The following HECW2 variants were observed in gnomAD, a reference collection of about 807,000 sequenced individuals.
The protein encoded by HECW2 is E3 ubiquitin-protein ligase HECW2.
In HECW2, 61 loss-of-function variants were observed where a neutral mutation model predicts 175.2. The observed-to-expected ratio is 0.35, with a 90% confidence interval of 0.28 to 0.43. The LOEUF is 0.43. Ranked by LOEUF, HECW2 falls within the 20% of genes least tolerant of loss-of-function variation. The pLI is 1.00. For synonymous variants in HECW2, 671 were observed against 731.0 expected (o/e 0.92, Z 1.32); for missense variants, 1,524 against 2,000.5 (o/e 0.76, Z 4.54).
intron 2 of HECW2, among the ~76,000 whole-genome samples, chr2:196,413,941 C>T (rs1383739521): frequency 6.6e-6 from 1 of 152,144 alleles, no homozygotes; most frequent in Non-Finnish European, 1.5e-5. Context: ...TCCATCACCC[C>T]GTGCTTCAAG....
chr2:196,245,925 A>G (rs1688626957), intron 19 of HECW2, among the ~76,000 whole-genome samples: 1 of 152,220 alleles, frequency 6.6e-6, no homozygotes, highest in African/African-American at 2.4e-5. Flanking sequence ...TTACAACAAA[A>G]TGTGTAAAGA....
chr2:196,310,293 T>C (rs7608318), intron 10 of HECW2, among the ~76,000 whole-genome samples: 8,919 of 152,272 alleles, frequency 0.059, 460 homozygotes, highest in African/African-American at 0.13. Flanking sequence ...AAATTATCCC[T>C]ATCAAATACT....
At chr2:196,521,304 A>AAAAAAAAAAAAAAAAAAAAC (rs1553531650) in intron 1 of HECW2, among the ~76,000 whole-genome samples, 1 of 148,172 alleles carries the variant, frequency 6.7e-6, no homozygotes, top group Non-Finnish European at 1.5e-5. Flanking sequence ...AAAAAAAAAA[A>AAAAAAAAAAAAAAAAAAAAC]AAAGAAAGAA....
At position 196,368,779 on chromosome 2, in the gene HECW2, T is replaced by C. The variant is rs57126685; in HGVS notation, c.293-25015A>G. ...AGAGTCTCCGAGGCATTCTTCAATATGTCAGTTGCATTTCCAACTCCAGAG... is the reference window on the plus strand; with the variant it reads ...AGAGTCTCCGAGGCATTCTTCAATACGTCAGTTGCATTTCCAACTCCAGAG... On this transcript the variant is annotated intron_variant, in intron 2 of 28. Coordinates refer to ENST00000644978, the MANE Select transcript of HECW2 (RefSeq NM_001348768.2). Among the ~76,000 whole-genome samples, 585 of 152,286 alleles carry C rather than the reference T, an allele frequency of 3.8e-3. 5 individuals are homozygous for C. Among genetic ancestry groups the C allele is most frequent in the African/African-American group, 0.013 (553 of 41,566 alleles).
intron 17 of HECW2, among the ~76,000 whole-genome samples, chr2:196,259,506 A>C (rs1689201919): frequency 6.6e-6 from 1 of 152,122 alleles, no homozygotes. Flanking sequence ...TGAAGCAGCT[A>C]ATCTTTAGTA....
chr2:196,436,125 G>T (rs1157828400), intron 1 of HECW2, among the ~76,000 whole-genome samples: 2 of 152,194 alleles, frequency 1.3e-5, no homozygotes, highest in African/African-American at 4.8e-5. Context: ...TTCGAGCCGG[G>T]CCTGGTGGCA....
chr2:196,531,227 C>CCCTGGTTTGCTGACTAATT (rs1688828211), intron 1 of HECW2, among the ~76,000 whole-genome samples: 1 of 152,178 alleles, frequency 6.6e-6, no homozygotes, highest in Non-Finnish European at 1.5e-5. Flanking sequence ...CTGCCTATCA[C>CCCTGGTTTGCTGACTAATT]CCTGGTTTGC....
chr2:196,506,750 A>G (rs914400047), intron 1 of HECW2, among the ~76,000 whole-genome samples: 1 of 152,102 alleles, frequency 6.6e-6, no homozygotes, highest in African/African-American at 2.4e-5. Flanking sequence ...GTCAAAATTA[A>G]TTAAAACAAC....
intron 1 of HECW2, among the ~76,000 whole-genome samples, chr2:196,434,985 CACAG>C (rs1024359979): frequency 4.6e-5 from 7 of 152,224 alleles, no homozygotes; most frequent in African/African-American, 1.7e-4. Flanking sequence ...CCATTGAGTT[CACAG>C]ACACTTTGGA....
chr2:196,549,594 CTTT>C (rs200999438), intron 1 of HECW2, among the ~76,000 whole-genome samples: 6 of 144,726 alleles, frequency 4.1e-5, no homozygotes, highest in Admixed American at 6.9e-5. Flanking sequence ...CAGTCTTGCT[CTTT>C]TTTTTTTTTT....
chr2:196,258,720 A>G (rs1019024895), intron 17 of HECW2, among the ~76,000 whole-genome samples: 4 of 152,216 alleles, frequency 2.6e-5, no homozygotes, highest in African/African-American at 7.2e-5. Flanking sequence ...ATTTCAAAGC[A>G]CACCATATTA....
chr2:196,413,189 CA>C (rs1299575067), intron 2 of HECW2, among the ~76,000 whole-genome samples: 1 of 152,042 alleles, frequency 6.6e-6, no homozygotes. Context: ...CCTGTCACTA[CA>C]AAAAAATTAA....
chr2:196,274,191 C>G, intron 15 of HECW2, 68 bp from the exon 16 acceptor site: 1 of 1,119,114 alleles, frequency 8.9e-7, no homozygotes, highest in South Asian at 1.3e-5. Context: ...CATCCCAAAC[C>G]AAGTTGTTCA....
At chr2:196,264,760 T>C (rs1294914909) in intron 17 of HECW2, among the ~76,000 whole-genome samples, 1 of 152,216 alleles carries the variant, frequency 6.6e-6, no homozygotes, top group East Asian at 1.9e-4. Flanking sequence ...ATATACGTGA[T>C]ATACAATTCA....
At chr2:196,306,403 A>C in intron 13 of HECW2, 85 bp downstream of exon 13, 1 of 1,329,514 alleles carries the variant, frequency 7.5e-7, no homozygotes, top group South Asian at 1.4e-5. Flanking sequence ...ATTCGCCATT[A>C]TCATTCCTGC....
In HECW2 at chr2:196,323,915, G is replaced by GTTTTTTTTTTTTTT. The variant is rs1160140452; in HGVS notation, c.741+1064_741+1065insAAAAAAAAAAAAAA. Among the ~76,000 whole-genome samples the GTTTTTTTTTTTTTT allele has an allele frequency of 4.9e-4, 34 of 68,758 alleles. 1 individual carries two copies. The highest frequency in any genetic ancestry group is 8.3e-4 in the Admixed American group (4 of 4,838). The allele number at this position is 68,758 out of a possible 152,430, so 45.1% of individuals were successfully genotyped here. ...CCCTTAAGAGTTTTTTTTGTTTTTT[G>GTTTTTTTTTTTTTT]TTTGTTTTTTTTTTTTTTTTTTACC... On this transcript the variant is annotated intron_variant, in intron 6 of 28. Transcript: ENST00000644978.
chr2:196,361,893 T>C (rs1559067671), intron 2 of HECW2: 2 of 985,230 alleles, frequency 2.0e-6, no homozygotes. Context: ...CATTCTTCCT[T>C]AAAATCATAC....
intron 1 of HECW2, among the ~76,000 whole-genome samples, chr2:196,488,494 T>C (rs1336710241): frequency 1.3e-5 from 2 of 152,160 alleles, no homozygotes; most frequent in Non-Finnish European, 2.9e-5. Flanking sequence ...ATCATTAAAG[T>C]AATGTTACAG....
In HECW2 at chr2:196,257,836, C is replaced by A; in HGVS notation, c.3406G>T (p.Val1136Phe). The stretch of plus-strand genomic sequence containing the variant: ...TTACGTATGTACCTCAGCAACATAA[C>A]AAGGTCTGCATCGCTTGAAAGGCGC... ...LVRLSSDADL[V>F]MLLSLFEEEI... Residue 1136 changes from valine (V) to phenylalanine (F), a missense_variant, in exon 18 of 29, where the codon GTT becomes TTT. Val to Phe is a conservative substitution (Grantham distance 50, BLOSUM62 -1). Transcript: ENST00000644978. 6.2e-7 allele frequency: 1 copy of A among 1,613,464 alleles called. No homozygotes were observed. Among genetic ancestry groups the A allele is most frequent in the Non-Finnish European group, 8.5e-7 (1 of 1,179,410 alleles).
Sources: allele counts gnomAD v4.1 joint callset (sites outside exome capture counted in the v4.1 genomes callset), GRCh38; gene constraint gnomAD v4.1.1; transcripts MANE v1.5; gene names NCBI Gene and HGNC (gene_info 2026-07-23, HGNC 2026-07-21).